Variants in CCDC7 observed in about 807,000 individuals in gnomAD.
CCDC7 encodes coiled-coil domain-containing protein 7.
A neutral mutation model predicts 196.9 loss-of-function variants in CCDC7; 183 were observed. The ratio of observed to expected loss-of-function variants is 0.93; its 90% CI spans 0.82 to 1.05. The LOEUF is 1.05. Ranked by LOEUF, CCDC7 falls within the 50% of genes least tolerant of loss-of-function variation. CCDC7 has a pLI of 0.00. For missense variants in CCDC7, 1,540 were observed against 1,482.2 expected (o/e 1.04, Z -0.64); for synonymous variants, 525 against 484.6 (o/e 1.08, Z -1.10).
At chr10:32,638,281 G>A (rs920204812) in intron 20 of CCDC7, among the ~76,000 whole-genome samples, 14 of 152,156 alleles carry the variant, frequency 9.2e-5, no homozygotes, top group African/African-American at 2.7e-4. Context: ...AATAGGAGTC[G>A]TGAGAGAGGA....
rs570302832 is a variant in CCDC7 at position 32,608,076 on chromosome 10, G to A, written c.1801+23772G>A. Among the ~76,000 whole-genome samples the A allele has an allele frequency of 7.9e-5, 12 of 152,030 alleles. No individual in the cohort carries two copies. The South Asian group carries it at 1.9e-3, about 24-fold the overall frequency. Reference sequence around the variant, plus strand: ...CCAGGCATTTATTCATCTCTTCCACGTTTTCCAATTTGTTAGCATATAGTT... The same window carrying A: ...CCAGGCATTTATTCATCTCTTCCACATTTTCCAATTTGTTAGCATATAGTT... On this transcript the variant is annotated intron_variant, in intron 18 of 41. Transcript: ENST00000639629.
chr10:32,613,075 A>G (rs1232592685), intron 18 of CCDC7, among the ~76,000 whole-genome samples: 1 of 152,104 alleles, frequency 6.6e-6, no homozygotes, highest in Non-Finnish European at 1.5e-5. Context: ...TTGGTAGGCT[A>G]TTAATTACTG....
At chr10:32,724,369 A>G (rs1316079214) in intron 25 of CCDC7, among the ~76,000 whole-genome samples, 1 of 152,114 alleles carries the variant, frequency 6.6e-6, no homozygotes, top group Non-Finnish European at 1.5e-5. Context: ...CCACTTTGTC[A>G]GAGAGAGAGC....
At chr10:32,734,111 A>G (rs1041937640) in intron 28 of CCDC7, among the ~76,000 whole-genome samples, 2 of 152,236 alleles carry the variant, frequency 1.3e-5, no homozygotes, top group African/African-American at 2.4e-5. Flanking sequence ...TTATTCTACC[A>G]TAAACATACA....
intron 9 of CCDC7, among the ~76,000 whole-genome samples, chr10:32,509,091 C>T (rs947211215): frequency 6.6e-6 from 1 of 152,144 alleles, no homozygotes; most frequent in Non-Finnish European, 1.5e-5. Flanking sequence ...CTGCCTCAAC[C>T]TCCCAAAGTG....
chr10:32,462,836 T>G, intron 4 of CCDC7, 133 bp downstream of exon 5: 5 of 1,271,880 alleles, frequency 3.9e-6, no homozygotes, highest in Non-Finnish European at 5.3e-6. Flanking sequence ...TTAAGAATTT[T>G]ATGTTCATTT....
At chr10:32,791,950 A>C (rs980306477) in intron 29 of CCDC7, among the ~76,000 whole-genome samples, 1 of 152,212 alleles carries the variant, frequency 6.6e-6, no homozygotes, top group South Asian at 2.1e-4. Context: ...AGTCAAAAGA[A>C]TTTTTAAAAC....
intron 37 of CCDC7, among the ~76,000 whole-genome samples, chr10:32,847,587 C>A (rs978333583): frequency 1.3e-5 from 2 of 151,838 alleles, no homozygotes; most frequent in Non-Finnish European, 2.9e-5. Flanking sequence ...TGGTGGTGCA[C>A]ACCTGTAGTC....
intron 28 of CCDC7, among the ~76,000 whole-genome samples, chr10:32,730,217 C>T (rs1186950009): frequency 6.6e-6 from 1 of 152,114 alleles, no homozygotes; most frequent in Non-Finnish European, 1.5e-5. Flanking sequence ...TCTCATTGTT[C>T]AACTCCCATT....
rs1013435218 is a variant in CCDC7 at position 32,493,501 on chromosome 10, A to T, written c.872+1504A>T. On this transcript the variant is annotated intron_variant, in intron 9 of 41. Transcript: ENST00000639629. ...TGAATAATACTGCAGTGAACATGGG[A>T]GTATGGGTATCTACTCAACATGATT... is the stretch of plus-strand genomic sequence containing the variant. 8.6e-5 allele frequency among the ~76,000 whole-genome samples: 13 copies of T among 151,690 alleles called. No homozygotes were observed. In the South Asian group the frequency reaches 2.7e-3, roughly 32 times the overall value.
chr10:32,525,717 G>A (rs2048560438), intron 11 of CCDC7, among the ~76,000 whole-genome samples: 1 of 152,176 alleles, frequency 6.6e-6, no homozygotes, highest in African/African-American at 2.4e-5. Context: ...GTATTTGAAG[G>A]GACTTGGGCC....
chr10:32,711,782 G>C, intron 25 of CCDC7, 52 bp downstream of exon 26: 1 of 1,160,140 alleles, frequency 8.6e-7, no homozygotes. Flanking sequence ...AATCTCAAAA[G>C]AACTTTTTTC....
intron 9 of CCDC7, among the ~76,000 whole-genome samples, chr10:32,497,120 G>T (rs1017028580): frequency 6.6e-6 from 1 of 152,154 alleles, no homozygotes; most frequent in Admixed American, 6.5e-5. Flanking sequence ...TTAGTCTTGG[G>T]AGGGTGTATG....
intron 5 of CCDC7, 110 bp from the exon 7 acceptor site, chr10:32,470,954 A>G (rs1249494790): frequency 9.2e-7 from 1 of 1,083,522 alleles, no homozygotes; most frequent in Non-Finnish European, 1.3e-6. Flanking sequence ...GCTATAGATA[A>G]GAAAAATATA....
At position 32,570,889 on chromosome 10, in the gene CCDC7, A is replaced by G. The variant is rs185691771; in HGVS notation, c.1420-970A>G. 5.3e-5 allele frequency among the ~76,000 whole-genome samples: 8 copies of G among 152,324 alleles called. No homozygotes were observed. The East Asian group carries it at 1.2e-3, about 22-fold the overall frequency. ...ATCTCTGCATAAAAGAAACTGAATT[A>G]GATGAAAATCAGGTCCAGAATAAAA... is the stretch of plus-strand genomic sequence containing the variant. On this transcript the variant is annotated intron_variant, in intron 15 of 41. Transcript: ENST00000639629.
At chr10:32,617,144 T>C (rs2062869051) in intron 18 of CCDC7, among the ~76,000 whole-genome samples, 1 of 151,958 alleles carries the variant, frequency 6.6e-6, no homozygotes, top group Non-Finnish European at 1.5e-5. Context: ...AATATCTTTT[T>C]TCATTTCTGA....
chr10:32,814,411 A>C (rs530294108), exon 31 of CCDC7: 2 of 1,612,444 alleles, frequency 1.2e-6, no homozygotes, highest in African/African-American at 1.3e-5. Flanking sequence ...TGGAAGAGAT[A>C]TACTAAAGGA....
At chr10:32,807,410 GA>G (rs1272821570) in intron 30 of CCDC7, among the ~76,000 whole-genome samples, 2 of 152,112 alleles carry the variant, frequency 1.3e-5, no homozygotes, top group Middle Eastern at 3.2e-3. Context: ...AATGACAAGA[GA>G]GGGGGCTCCA....
chr10:32,609,767 A>T (rs2061905514), intron 18 of CCDC7, among the ~76,000 whole-genome samples: 2 of 152,056 alleles, frequency 1.3e-5, no homozygotes, highest in African/African-American at 4.8e-5. Flanking sequence ...TTCTCGCAAG[A>T]TCTGGTTATT....
Sources: gnomAD v4.1 joint callset for allele counts (sites outside exome capture counted in the v4.1 genomes callset) on GRCh38, gnomAD v4.1.1 for gene constraint, MANE v1.5 for transcripts, NCBI Gene and HGNC (gene_info 2026-07-23, HGNC 2026-07-21) for gene names.